SPANXN3: variants seen among roughly 807,000 people sequenced by gnomAD.
SPANXN3 encodes the protein SPANX family member N3.
A neutral mutation model predicts 1.9 loss-of-function variants in SPANXN3; 1 was observed. The observed-to-expected ratio is 0.54, with a 90% CI of 0.19 to 2.54. The LOEUF is 2.54. Ranked by LOEUF, SPANXN3 falls within the 30% of genes most tolerant of loss-of-function variation. The pLI, the probability that SPANXN3 is intolerant of heterozygous loss-of-function variation, is 0.24. For synonymous variants in SPANXN3, 47 were observed against 40.0 expected (o/e 1.17, Z -0.66); for missense variants, 113 against 96.2 (o/e 1.17, Z -0.73).
intron 1 of SPANXN3, 115 bp downstream of exon 1, chrX:143,517,199 C>G: frequency 1.1e-6 from 1 of 897,744 alleles, no homozygotes; most frequent in Admixed American, 2.6e-5. Context: ...TGGCATTAAG[C>G]GGGTCCCCCA....
chrX:143,515,514 G>C (rs1929195236), intron 1 of SPANXN3, among the ~76,000 whole-genome samples: 1 of 111,175 alleles, frequency 9.0e-6, no homozygotes, highest in South Asian at 3.8e-4. Flanking sequence ...TAATCCAGGA[G>C]GTATGACTGC....
rs782772337 is a variant in SPANXN3, at chrX:143,508,996, T to C, written c.245A>G (p.Gln82Arg). The C allele has an allele frequency of 4.1e-6, 5 of 1,212,155 alleles. No individual in the cohort carries two copies. The South Asian group carries it at 8.8e-5, about 21-fold the overall frequency. ...GTCTACGCCTTCGTCCTCCTCCTTT[T>C]GGATTGGATTGATGGAGTTCTCTTG... ...QSQENSINPI[Q>R]KEEDEGVDLS... The change falls in exon 2 of 2, where the codon CAA (glutamine) becomes CGA (arginine). Residue 82 changes from glutamine (Q) to arginine (R), a missense_variant. Coordinates refer to ENST00000370503, the MANE Select transcript of SPANXN3 (RefSeq NM_001009609.4).
Position 143,512,049 on chromosome X carries a change from G to T in SPANXN3, c.79-2887C>A, listed in dbSNP as rs181588424. ...ATCAATAAAATCCCCTCTAGGCACA[G>T]ACTCGTCCTTTATTATGCAACCTAT... On this transcript the variant is annotated intron_variant, in intron 1 of 1. Coordinates refer to ENST00000370503, the MANE Select transcript of SPANXN3 (RefSeq NM_001009609.4). Among the ~76,000 whole-genome samples, 3 of 111,121 alleles carry T rather than the reference G, an allele frequency of 2.7e-5. No individual in the cohort carries two copies. The Admixed American group carries it at 2.9e-4, about 11-fold the overall frequency.
chrX:143,510,463 C>T (rs1476591264), intron 1 of SPANXN3, among the ~76,000 whole-genome samples: 1 of 111,475 alleles, frequency 9.0e-6, no homozygotes, highest in Non-Finnish European at 1.9e-5. Flanking sequence ...CTGGAGAACT[C>T]ACTCCCCTCT....
At chrX:143,509,996 C>G (rs1929055720) in intron 1 of SPANXN3, 1 of 111,947 alleles carries the variant, frequency 8.9e-6, no homozygotes, top group Non-Finnish European at 1.9e-5. Context: ...CCGGGGCCTA[C>G]TTCCAGATCC....
intron 1 of SPANXN3, chrX:143,516,839 A>G: frequency 8.4e-6 from 1 of 119,759 alleles, no homozygotes; most frequent in African/African-American, 3.3e-5. Context: ...TTCCTTTTAT[A>G]CTAAAGTAGA....
At chrX:143,514,728 C>T (rs1447847808) in intron 1 of SPANXN3, among the ~76,000 whole-genome samples, 12 of 111,469 alleles carry the variant, frequency 1.1e-4, no homozygotes, top group Admixed American at 7.6e-4. Flanking sequence ...AGTCAGACAA[C>T]GGGCCAATTT....
chrX:143,508,859 G>C lies in SPANXN3; in HGVS notation c.382C>G (p.Leu128Val), dbSNP rs1556411217. 1.7e-6 allele frequency: 2 copies of C among 1,211,603 alleles called. No individual in the cohort carries two copies. The highest frequency in any genetic ancestry group is 2.2e-6 in the Non-Finnish European group (2 of 895,383). The change falls in exon 2 of 2, where the codon CTA becomes GTA. Residue 128 changes from leucine (L) to valine (V), a missense_variant. By Grantham distance (32) the Leu-to-Val change is conservative. Coordinates refer to ENST00000370503, the MANE Select transcript of SPANXN3 (RefSeq NM_001009609.4). Reference sequence around the variant, plus strand: ...TGTGAAGATCCTTCAGATAAGCCTAGGTCTTCATCCTCCTGTGAGGATCCT... The same window carrying C: ...TGTGAAGATCCTTCAGATAAGCCTACGTCTTCATCCTCCTGTGAGGATCCT... The part of the protein sequence containing the change: ...SEGSSQEDED[L>V]GLSEGSSQDS...
intron 1 of SPANXN3, among the ~76,000 whole-genome samples, chrX:143,514,299 T>TA (rs201069716): frequency 0.054 from 6,053 of 112,520 alleles, 195 homozygotes; most frequent in East Asian, 0.2. Flanking sequence ...ATCTCAGTGA[T>TA]AAAGTGTCTT....
Position 143,510,620 on chromosome X carries a change from G to T in SPANXN3, c.79-1458C>A, listed in dbSNP as rs1202295273. ...ATCTTTCTCCAACACAATGGTAAAT[G>T]ATCTGAAGTGCTTTGCTTATCTCCG... On this transcript the variant is annotated intron_variant, in intron 1 of 1. Transcript: ENST00000370503. Among the ~76,000 whole-genome samples, 3 of 111,917 alleles carry T rather than the reference G, an allele frequency of 2.7e-5. No homozygotes were observed. The Admixed American group carries it at 2.8e-4, about 11-fold the overall frequency.
intron 1 of SPANXN3, among the ~76,000 whole-genome samples, chrX:143,516,383 G>C (rs1378138312): frequency 4.5e-5 from 5 of 111,634 alleles, no homozygotes; most frequent in African/African-American, 1.6e-4. Flanking sequence ...CATACACCCT[G>C]GTGTTTCAGC....
chrX:143,512,789 C>T (rs1377132143), intron 1 of SPANXN3, among the ~76,000 whole-genome samples: 1 of 111,633 alleles, frequency 9.0e-6, no homozygotes, highest in African/African-American at 3.3e-5. Flanking sequence ...CAGACTTGCC[C>T]TCATCAAGGA....
Position 143,509,104 on chromosome X carries a change from G to T in SPANXN3, c.137C>A (p.Thr46Lys), listed in dbSNP as rs782670490. 2 of 1,211,490 alleles carry T rather than the reference G, an allele frequency of 1.7e-6. No individual in the cohort carries two copies. Among genetic ancestry groups the T allele is most frequent in the Non-Finnish European group, 2.2e-6 (2 of 895,329 alleles). The change falls in exon 2 of 2, where the codon ACA (threonine) becomes AAA (lysine). Residue 46 changes from threonine to lysine, a missense_variant. Thr to Lys is a moderately conservative substitution (Grantham distance 78, BLOSUM62 -1). Transcript: ENST00000370503. ...APEQSLKNTK[T>K]SEYPIIFVYY... is the part of the protein sequence containing the mutation. The stretch of plus-strand genomic sequence containing the variant: ...CACAAATATTATTGGATATTCTGAT[G>T]TTTTTGTGTTCTTCAAACTCTGTTC...
intron 1 of SPANXN3, among the ~76,000 whole-genome samples, chrX:143,515,997 T>C (rs193077105): frequency 2.9e-4 from 2 of 6,951 alleles, no homozygotes; most frequent in Non-Finnish European, 1.1e-3. Context: ...CTCTTCATAT[T>C]ATCCAACTCA....
At chrX:143,509,833 G>C (rs1929051246) in intron 1 of SPANXN3, 1 of 120,799 alleles carries the variant, frequency 8.3e-6, no homozygotes, top group African/African-American at 3.3e-5. Flanking sequence ...TGTTGTTTGA[G>C]ATGCACCCTC....
At chrX:143,514,445 G>T (rs1307876309) in intron 1 of SPANXN3, among the ~76,000 whole-genome samples, 2 of 111,009 alleles carry the variant, frequency 1.8e-5, no homozygotes, top group Non-Finnish European at 3.8e-5. Context: ...TATTACTAAG[G>T]CATGTTCCCT....
chrX:143,517,126 T>C (rs1315912484), intron 1 of SPANXN3, among the ~76,000 whole-genome samples, 188 bp downstream of exon 1: 2 of 110,830 alleles, frequency 1.8e-5, no homozygotes, highest in Admixed American at 9.5e-5. Context: ...CAGCAAGCCA[T>C]ACTGCCCAGG....
At chrX:143,513,952 C>T (rs1454453788) in intron 1 of SPANXN3, among the ~76,000 whole-genome samples, 1 of 112,214 alleles carries the variant, frequency 8.9e-6, no homozygotes, top group African/African-American at 3.2e-5. Flanking sequence ...TCAACATTTA[C>T]ACCCATTCCA....
chrX:143,512,930 C>A (rs1262120959), intron 1 of SPANXN3, among the ~76,000 whole-genome samples: 1 of 111,564 alleles, frequency 9.0e-6, no homozygotes, highest in African/African-American at 3.3e-5. Context: ...TAGAGGAAAT[C>A]TCAGGTAGCC....
Sources: allele counts gnomAD v4.1 joint callset (sites outside exome capture counted in the v4.1 genomes callset), GRCh38; gene constraint gnomAD v4.1.1; transcripts MANE v1.5; gene names NCBI Gene and HGNC (gene_info 2026-07-23, HGNC 2026-07-21).